Variants in CPZ observed in about 807,000 individuals in gnomAD.
CPZ encodes carboxypeptidase Z.
Under a neutral mutation model 61.8 loss-of-function variants are expected in CPZ, and 103 were observed. The ratio of observed to expected loss-of-function variants is 1.67; its 90% CI spans 1.42 to 1.96. The LOEUF is 1.96. Among genes scored for constraint, CPZ ranks in the 30% most tolerant of loss-of-function variants. The pLI, the probability that CPZ is intolerant of heterozygous loss-of-function variation, is 0.00. For missense variants in CPZ, 1,461 were observed against 914.9 expected (o/e 1.60, Z -7.70); for synonymous variants, 551 against 373.7 (o/e 1.47, Z -5.47).
At chr4:8,614,009 A>C (rs1434240878) in intron 8 of CPZ, among the ~76,000 whole-genome samples, 3 of 152,216 alleles carry the variant, frequency 2.0e-5, no homozygotes, top group Non-Finnish European at 4.4e-5. Context: ...GGGGTGGGGA[A>C]GCCTGTGGAC....
At chr4:8,614,987 C>T (rs969578578) in intron 9 of CPZ, among the ~76,000 whole-genome samples, 17 of 152,044 alleles carry the variant, frequency 1.1e-4, no homozygotes, top group Non-Finnish European at 2.1e-4. Flanking sequence ...GGTGAGGACT[C>T]GAGCCGTGGG....
At chr4:8,614,222 C>A (rs1372832145) in intron 8 of CPZ, 137 bp from the exon 9 acceptor site, 4 of 1,219,898 alleles carry the variant, frequency 3.3e-6, no homozygotes, top group Non-Finnish European at 4.5e-6. Flanking sequence ...ACTTGGCTGA[C>A]ACCCCGACGT....
chr4:8,603,873 C>A, intron 3 of CPZ, 103 bp from the exon 4 acceptor site: 1 of 951,036 alleles, frequency 1.1e-6, no homozygotes, highest in Non-Finnish European at 1.7e-6. Context: ...GCATGGCTGT[C>A]GTGCAGAGGG....
In CPZ at chr4:8,618,459, G is replaced by A. The variant is rs765823979; in HGVS notation, c.1534G>A (p.Asp512Asn). 38 of 1,612,374 alleles carry A rather than the reference G, an allele frequency of 2.4e-5. No homozygotes were observed. The highest frequency in any genetic ancestry group is 3.1e-5 in the Non-Finnish European group (37 of 1,179,148). The change falls in exon 10 of 11, where the codon GAT becomes AAT. Residue 512 changes from aspartate to asparagine, a missense_variant. Transcript: ENST00000360986. ...CCGGGGCATCAAAGGTGTGGTGACA[G>A]ATAAATTCGGCAAGCCAGTCAAAAA... ...VHRGIKGVVT[D>N]KFGKPVKNAR...
intron 7 of CPZ, among the ~76,000 whole-genome samples, chr4:8,609,172 C>CCTCACT (rs1560298072): frequency 7.2e-5 from 3 of 41,854 alleles, no homozygotes; most frequent in Non-Finnish European, 1.3e-4. Context: ...ATTCACTCAC[C>CCTCACT]CATTCACTCA....
Position 8,619,430 on chromosome 4 carries a change from T to C in CPZ, c.1772T>C (p.Phe591Ser). ...LQPLGMGPKN[F>S]IHGLRRTGPH... The stretch of plus-strand genomic sequence containing the variant: ...CCTCTGGGGATGGGACCCAAGAACT[T>C]TATTCATGGGCTGCGGAGGACTGGG... The change falls in exon 11 of 11, where the codon TTT becomes TCT. Residue 591 changes from phenylalanine to serine, a missense_variant. By Grantham distance (155) the Phe-to-Ser change is radical (BLOSUM62 -2). Transcript: ENST00000360986. 2 of 1,613,908 alleles carry C rather than the reference T, an allele frequency of 1.2e-6. No homozygotes were observed. The highest frequency in any genetic ancestry group is 8.5e-7 in the Non-Finnish European group (1 of 1,179,904).
At chr4:8,609,191 C>T (rs1386355811) in intron 7 of CPZ, among the ~76,000 whole-genome samples, 2 of 123,802 alleles carry the variant, frequency 1.6e-5, no homozygotes, top group East Asian at 2.3e-4. Context: ...CAGGCATTCA[C>T]TCACTCCCTC....
At chr4:8,615,339 C>T (rs75052136) in intron 9 of CPZ, among the ~76,000 whole-genome samples, 2,645 of 152,172 alleles carry the variant, frequency 0.017, 89 homozygotes, top group African/African-American at 0.059. Flanking sequence ...CAGCTCACAC[C>T]GAGGGTGCTG....
intron 1 of CPZ, 79 bp downstream of exon 1, chr4:8,593,000 C>T: frequency 1.7e-6 from 2 of 1,187,908 alleles, no homozygotes; most frequent in East Asian, 2.7e-5. Flanking sequence ...TTCCCAGGGG[C>T]CCGGGAGCTT....
intron 1 of CPZ, 77 bp downstream of exon 1, chr4:8,592,998 G>T (rs1407482563): frequency 4.1e-6 from 5 of 1,206,402 alleles, no homozygotes; most frequent in Non-Finnish European, 5.8e-6. Context: ...GCTTCCCAGG[G>T]GCCCGGGAGC....
At chr4:8,596,202 C>T (rs898441323) in intron 1 of CPZ, among the ~76,000 whole-genome samples, 4 of 152,188 alleles carry the variant, frequency 2.6e-5, no homozygotes, top group Non-Finnish European at 5.9e-5. Flanking sequence ...CAGGTGTGTG[C>T]CACCATGCCC....
At chr4:8,617,676 G>A (rs753548971) in intron 9 of CPZ, among the ~76,000 whole-genome samples, 10 of 152,186 alleles carry the variant, frequency 6.6e-5, no homozygotes, top group Non-Finnish European at 1.3e-4. Flanking sequence ...GGCCCGGGCA[G>A]GGGGCAGCCT....
intron 7 of CPZ, among the ~76,000 whole-genome samples, 165 bp from the exon 8 acceptor site, chr4:8,611,862 T>G (rs901574223): frequency 1.3e-5 from 2 of 152,032 alleles, no homozygotes; most frequent in African/African-American, 4.8e-5. Flanking sequence ...ACATACACTG[T>G]GTCCTCTGCA....
intron 1 of CPZ, 127 bp from the exon 2 acceptor site, chr4:8,599,326 T>C: frequency 9.3e-7 from 1 of 1,069,842 alleles, no homozygotes; most frequent in Non-Finnish European, 1.3e-6. Context: ...GAAGACTCCA[T>C]GAGATGGAGC....
At chr4:8,609,185 C>CATTCACTCACTCCCTCATTCACTT (rs145560681) in intron 7 of CPZ, among the ~76,000 whole-genome samples, 80 of 65,854 alleles carry the variant, frequency 1.2e-3, no homozygotes, top group African/African-American at 4.9e-3. Context: ...TTCACTCAGG[C>CATTCACTCACTCCCTCATTCACTT]ATTCACTCAC....
chr4:8,599,702 G>T (rs566380355), intron 2 of CPZ: 9 of 1,281,378 alleles, frequency 7.0e-6, no homozygotes, highest in Non-Finnish European at 9.4e-6. Context: ...TTCCCACCGG[G>T]CTATGCCCAC....
chr4:8,618,602 T>C (rs1417140750), intron 10 of CPZ, 74 bp downstream of exon 10: 1 of 1,381,730 alleles, frequency 7.2e-7, no homozygotes, highest in Non-Finnish European at 1.0e-6. Flanking sequence ...GCCGGCACCC[T>C]CAGGCACTCA....
At chr4:8,602,134 A>T (rs1475237322) in intron 3 of CPZ, 1 of 152,286 alleles carries the variant, frequency 6.6e-6, no homozygotes, top group Non-Finnish European at 1.5e-5. Flanking sequence ...AGTGGGCAAG[A>T]CTGGGCCACC....
At chr4:8,599,535 C>A (rs369837263) in intron 2 of CPZ, 50 bp downstream of exon 2, 3 of 1,608,176 alleles carry the variant, frequency 1.9e-6, no homozygotes, top group Non-Finnish European at 2.5e-6. Flanking sequence ...GGGCTGCAGC[C>A]CCCACACTGT....
Sources: allele counts gnomAD v4.1 joint callset (sites outside exome capture counted in the v4.1 genomes callset), GRCh38; gene constraint gnomAD v4.1.1; transcripts MANE v1.5; gene names NCBI Gene and HGNC (gene_info 2026-07-23, HGNC 2026-07-21).